SLC7A2: variants seen among roughly 807,000 people sequenced by gnomAD.
SLC7A2 encodes the protein cationic amino acid transporter 2.
In SLC7A2, 48 loss-of-function variants were observed where a neutral mutation model predicts 58.9. The observed-to-expected ratio is 0.82, with a 90% CI of 0.65 to 1.04. SLC7A2 has a LOEUF of 1.04. Ranked by LOEUF, SLC7A2 falls within the 50% of genes least tolerant of loss-of-function variation. SLC7A2 has a pLI of 0.00. For missense variants in SLC7A2, 1,029 were observed against 818.8 expected (o/e 1.26, Z -3.13); for synonymous variants, 363 against 314.5 (o/e 1.15, Z -1.63).
At chr8:17,553,536 C>T (rs571143656) in intron 7 of SLC7A2, among the ~76,000 whole-genome samples, 6 of 152,102 alleles carry the variant, frequency 3.9e-5, no homozygotes, top group Admixed American at 2.0e-4. Context: ...TTTGGGACAC[C>T]GAGGCGGGAG....
At chr8:17,540,224 A>G (rs927436077) in intron 2 of SLC7A2, among the ~76,000 whole-genome samples, 4 of 152,174 alleles carry the variant, frequency 2.6e-5, no homozygotes, top group Non-Finnish European at 4.4e-5. Flanking sequence ...CCATCTCATT[A>G]TAGTCCTACA....
chr8:17,526,972 A>C (rs1197381223), intron 2 of SLC7A2, among the ~76,000 whole-genome samples: 11 of 151,912 alleles, frequency 7.2e-5, no homozygotes, highest in Admixed American at 3.3e-4. Context: ...ATAATACCAG[A>C]GTGTTGATCA....
At chr8:17,510,139 G>T (rs555907090) in intron 2 of SLC7A2, among the ~76,000 whole-genome samples, 111 of 152,160 alleles carry the variant, frequency 7.3e-4, no homozygotes, top group African/African-American at 2.6e-3. Flanking sequence ...AGCATCGCTT[G>T]AACCTGGGAG....
intron 2 of SLC7A2, among the ~76,000 whole-genome samples, chr8:17,516,062 CT>C (rs531156103): frequency 2.7e-4 from 41 of 152,278 alleles, no homozygotes; most frequent in African/African-American, 9.9e-4. Context: ...AAGTTATCAT[CT>C]CTTTTCTATG....
intron 4 of SLC7A2, 27 bp from the exon 5 acceptor site, chr8:17,548,651 A>T (rs1443323062): frequency 1.3e-6 from 2 of 1,565,390 alleles, no homozygotes; most frequent in African/African-American, 2.7e-5. Context: ...AAAGCTAAAT[A>T]AAAATTGAAA....
intron 2 of SLC7A2, among the ~76,000 whole-genome samples, chr8:17,528,567 CG>C (rs1351588727): frequency 6.6e-6 from 1 of 151,900 alleles, no homozygotes; most frequent in Non-Finnish European, 1.5e-5. Context: ...TTTATAGAAA[CG>C]GGGTTTTGCT....
chr8:17,543,226 A>T, intron 2 of SLC7A2, 92 bp from the exon 3 acceptor site: 1 of 1,166,138 alleles, frequency 8.6e-7, no homozygotes, highest in Non-Finnish European at 1.2e-6. Context: ...AAACACACAC[A>T]CACACATACT....
intron 2 of SLC7A2, among the ~76,000 whole-genome samples, chr8:17,540,908 AGTC>A (rs1312578451): frequency 2.6e-5 from 4 of 152,190 alleles, no homozygotes; most frequent in African/African-American, 9.6e-5. Flanking sequence ...AATATGCAAT[AGTC>A]GTAGAATTTA....
Position 17,568,218 on chromosome 8 carries a change from G to A in SLC7A2, c.*3072G>A, listed in dbSNP as rs1004399721. ...TCAACATTTTCAGTGAGAATTTCTT[G>A]TAATGGCACCTCAAATTTTATACTC... On this transcript the variant is annotated 3_prime_UTR_variant, in exon 13 of 13. Transcript: ENST00000494857. 1.3e-5 allele frequency: 2 copies of A among 151,660 alleles called. No homozygotes were observed. The highest frequency in any genetic ancestry group is 2.9e-5 in the Non-Finnish European group (2 of 67,952). 9.4% of individuals were successfully genotyped at this position (151,660 alleles called of 1,614,324 possible).
Position 17,565,139 on chromosome 8 carries a change from A to T in SLC7A2, c.1970A>T (p.Glu657Val). Reference sequence around the variant, plus strand: ...TTCATATTCCATGAAAAGACAAGTGAATTCTAACACTTGCAGGAGCAGAGC... The same window carrying T: ...TTCATATTCCATGAAAAGACAAGTGTATTCTAACACTTGCAGGAGCAGAGC... ...SPFIFHEKTSEF is the reference protein window; with the variant it reads ...SPFIFHEKTSVF The change falls in exon 13 of 13, where the codon GAA becomes GTA. Residue 657 changes from glutamate (E) to valine (V), a missense_variant. Physicochemically the swap from Glu to Val is moderately radical, Grantham distance 121. Transcript: ENST00000494857. The T allele has an allele frequency of 6.2e-7, 1 of 1,611,248 alleles. No homozygotes were observed. Among genetic ancestry groups the T allele is most frequent in the Non-Finnish European group, 8.5e-7 (1 of 1,177,966 alleles).
In SLC7A2 at chr8:17,565,205, C is replaced by A; in HGVS notation, c.*59C>A. The A allele has an allele frequency of 7.5e-7, 1 of 1,342,032 alleles. No individual in the cohort carries two copies. Among genetic ancestry groups the A allele is most frequent in the Non-Finnish European group, 1.0e-6 (1 of 969,424 alleles). 83.1% of individuals were successfully genotyped at this position (1,342,032 alleles called of 1,614,324 possible). A position where few individuals can be genotyped will look rare whatever the true frequency, so the allele number is the denominator to read the frequency against. ...CATACATATCCTACACTGAGTAAAC[C>A]GTAACGGGATGTCATCAGCATGCTG... On this transcript the variant is annotated 3_prime_UTR_variant, in exon 13 of 13. Coordinates refer to ENST00000494857, the MANE Select transcript of SLC7A2 (RefSeq NM_001370338.1).
At chr8:17,529,177 C>A (rs1243827197) in intron 2 of SLC7A2, among the ~76,000 whole-genome samples, 1 of 152,232 alleles carries the variant, frequency 6.6e-6, no homozygotes, top group African/African-American at 2.4e-5. Flanking sequence ...TTAGACACTT[C>A]TGCTGCACTC....
rs774135167 is a variant in SLC7A2, at chr8:17,558,296, T to C, written c.1197T>C (p.Ala399=). ...IATLSSGAVA[A]LMAFLFDLKA... is the part of the protein sequence containing the mutation. ...ACCGTTCTTTTCTTCTCCCCCTAGC[T>C]TTGATGGCCTTTCTGTTTGACCTGA... The change falls in exon 9 of 13, where the codon GCT becomes GCC. Residue 399 remains alanine (A), a splice_region_variant and synonymous_variant. Coordinates refer to ENST00000494857, the MANE Select transcript of SLC7A2 (RefSeq NM_001370338.1). 3 of 1,608,800 alleles carry C rather than the reference T, an allele frequency of 1.9e-6. No individual in the cohort carries two copies. The highest frequency in any genetic ancestry group is 2.6e-6 in the Non-Finnish European group (3 of 1,175,474).
chr8:17,554,901 T>G, intron 8 of SLC7A2: 1 of 1,607,880 alleles, frequency 6.2e-7, no homozygotes, highest in Admixed American at 1.7e-5. Context: ...TCTAGAATAA[T>G]CCTTAAAATA....
chr8:17,547,957 A>G (rs1471457586), intron 4 of SLC7A2, among the ~76,000 whole-genome samples: 3 of 152,218 alleles, frequency 2.0e-5, no homozygotes, highest in Non-Finnish European at 4.4e-5. Context: ...GGTTTAACAA[A>G]GTACTTTTTT....
rs558685215 is a variant in SLC7A2, at chr8:17,541,631, C to G, written c.-22-1687C>G. On this transcript the variant is annotated intron_variant, in intron 2 of 12. Coordinates refer to ENST00000494857, the MANE Select transcript of SLC7A2 (RefSeq NM_001370338.1). Reference sequence around the variant, plus strand: ...ATATTGATGTGTGGATAATGTTCCTCAGTTATTTTCTCATCTGTTGACTTA... The same window carrying G: ...ATATTGATGTGTGGATAATGTTCCTGAGTTATTTTCTCATCTGTTGACTTA... 7.2e-5 allele frequency among the ~76,000 whole-genome samples: 11 copies of G among 152,262 alleles called. No individual in the cohort carries two copies. In the South Asian group the frequency reaches 2.3e-3, roughly 32 times the overall value.
intron 2 of SLC7A2, among the ~76,000 whole-genome samples, chr8:17,530,275 C>T (rs1247011454): frequency 6.6e-6 from 1 of 152,214 alleles, no homozygotes; most frequent in Non-Finnish European, 1.5e-5. Flanking sequence ...TGCTGTGTCC[C>T]TGCAGTAGCT....
At chr8:17,563,223 C>G (rs1803104812) in intron 11 of SLC7A2, among the ~76,000 whole-genome samples, 1 of 152,180 alleles carries the variant, frequency 6.6e-6, no homozygotes, top group Non-Finnish European at 1.5e-5. Context: ...CCCATTTGAG[C>G]TAACCGTATA....
chr8:17,535,053 C>T (rs993230746), intron 2 of SLC7A2, among the ~76,000 whole-genome samples: 4 of 152,084 alleles, frequency 2.6e-5, no homozygotes, highest in African/African-American at 7.2e-5. Context: ...TTTCTCATCC[C>T]TTATTTATGA....
Sources: gnomAD v4.1 joint callset for allele counts (sites outside exome capture counted in the v4.1 genomes callset) on GRCh38, gnomAD v4.1.1 for gene constraint, MANE v1.5 for transcripts, NCBI Gene and HGNC (gene_info 2026-07-23, HGNC 2026-07-21) for gene names.